TAS2R1: variants seen among roughly 807,000 people sequenced by gnomAD.
TAS2R1 encodes taste receptor type 2 member 1.
For missense variants in TAS2R1, 370 were observed against 353.4 expected (o/e 1.05, Z -0.38); for synonymous variants, 141 against 134.2 (o/e 1.05, Z -0.35).
chr5:9,898,727 C>A, the TAS2R1 span, among the ~76,000 whole-genome samples: 81 of 152,222 alleles, frequency 5.3e-4, no homozygotes, highest in African/African-American at 1.8e-3. Context: ...ACAGAGAGCC[C>A]TAGATGAAGG....
At chr5:9,669,872 AC>A (rs1250511274) in intron 1 of TAS2R1, among the ~76,000 whole-genome samples, 1 of 151,910 alleles carries the variant, frequency 6.6e-6, no homozygotes, top group African/African-American at 2.4e-5. Context: ...AGACTGAACC[AC>A]CCCCAAACCT....
At chr5:9,800,683 A>ATG in the TAS2R1 span, among the ~76,000 whole-genome samples, 1 of 152,208 alleles carries the variant, frequency 6.6e-6, no homozygotes, top group Non-Finnish European at 1.5e-5. Flanking sequence ...GGCCATGGTC[A>ATG]TGAGGGTCAT....
the TAS2R1 span, among the ~76,000 whole-genome samples, chr5:9,901,266 T>TTAG: frequency 6.6e-6 from 1 of 151,140 alleles, no homozygotes; most frequent in Non-Finnish European, 1.5e-5. Flanking sequence ...AAAAAGGAAT[T>TTAG]GCTAGAGATT....
At chr5:9,796,729 AAAAAAAAAAAG>A in the TAS2R1 span, among the ~76,000 whole-genome samples, 2 of 149,174 alleles carry the variant, frequency 1.3e-5, no homozygotes, top group Non-Finnish European at 1.5e-5. Flanking sequence ...TGGAAAAAAA[AAAAAAAAAAAG>A]AAAAGAAAAA....
chr5:9,716,016 G>A (rs1734803431), upstream of TAS2R1, among the ~76,000 whole-genome samples: 1 of 152,224 alleles, frequency 6.6e-6, no homozygotes, highest in Non-Finnish European at 1.5e-5. Flanking sequence ...CAATTACCAA[G>A]GCGTGGAAGG....
the TAS2R1 span, among the ~76,000 whole-genome samples, chr5:9,845,794 C>A: frequency 1.3e-5 from 2 of 152,158 alleles, no homozygotes; most frequent in African/African-American, 2.4e-5. Context: ...TAGAGTAATT[C>A]TTTTTAATTT....
chr5:9,627,715 G>A lies in TAS2R1; in HGVS notation c.*1418C>T, dbSNP rs554336138. Among the ~76,000 whole-genome samples the A allele has an allele frequency of 3.1e-4, 47 of 152,318 alleles. No individual in the cohort carries two copies. Among genetic ancestry groups the A allele is most frequent in the African/African-American group, 1.1e-3 (45 of 41,578 alleles). ...CCCACAGCTGGCTTCCTGAGTGCGTGATTAGCTACAAACCTTCCTACCTAG... is the reference window on the plus strand; with the variant it reads ...CCCACAGCTGGCTTCCTGAGTGCGTAATTAGCTACAAACCTTCCTACCTAG... On this transcript the variant is annotated 3_prime_UTR_variant, in exon 1 of 1. Transcript: ENST00000382492.
At chr5:9,763,997 A>T in the TAS2R1 span, among the ~76,000 whole-genome samples, 1 of 152,262 alleles carries the variant, frequency 6.6e-6, no homozygotes, top group East Asian at 1.9e-4. Flanking sequence ...AGGAGAAGAC[A>T]CAAAAGATTG....
chr5:9,894,323 G>C, the TAS2R1 span, among the ~76,000 whole-genome samples: 2 of 152,104 alleles, frequency 1.3e-5, no homozygotes, highest in African/African-American at 4.8e-5. Context: ...AGAATCGCTT[G>C]AACCTGGGAA....
the TAS2R1 span, among the ~76,000 whole-genome samples, chr5:9,763,375 C>T: frequency 8.6e-5 from 13 of 151,918 alleles, no homozygotes; most frequent in South Asian, 8.3e-4. Flanking sequence ...TAGTGGTGCG[C>T]GCCTGTAGTC....
At chr5:9,796,223 G>C in the TAS2R1 span, among the ~76,000 whole-genome samples, 41 of 152,328 alleles carry the variant, frequency 2.7e-4, 1 homozygote, top group East Asian at 6.2e-3. Flanking sequence ...CCACACAGTA[G>C]ACACAAAAAT....
the TAS2R1 span, among the ~76,000 whole-genome samples, chr5:9,768,113 A>G: frequency 6.6e-6 from 1 of 152,024 alleles, no homozygotes; most frequent in Non-Finnish European, 1.5e-5. Context: ...CCAGCACGCC[A>G]TCTGTCCATC....
At chr5:9,737,427 A>G in the TAS2R1 span, among the ~76,000 whole-genome samples, 3 of 152,210 alleles carry the variant, frequency 2.0e-5, no homozygotes, top group Admixed American at 6.5e-5. Context: ...TAACAATGTC[A>G]TAAAATCTTT....
At chr5:9,894,129 G>C in the TAS2R1 span, among the ~76,000 whole-genome samples, 4 of 152,142 alleles carry the variant, frequency 2.6e-5, no homozygotes, top group African/African-American at 9.7e-5. Context: ...TTGGCCAGAC[G>C]TGGTGGCTCA....
In TAS2R1 at chr5:9,629,564, T is replaced by A. The variant is rs1183193912; in HGVS notation, c.469A>T (p.Arg157Trp). 4 of 1,614,074 alleles carry A rather than the reference T, an allele frequency of 2.5e-6. No individual in the cohort carries two copies. The highest frequency in any genetic ancestry group is 2.2e-5 in the South Asian group (2 of 91,080). ...GTGGCATTTTGGGAGAAAAATTTCC[T>A]TAGGAAGTATGGGACCATAAACCCT... ...YAGFMVPYFL[R>W]KFFSQNATIQ... Residue 157 changes from arginine (R) to tryptophan (W), a missense_variant, in exon 1 of 1, where the codon AGG (arginine) becomes TGG (tryptophan). Coordinates refer to ENST00000382492, the MANE Select transcript of TAS2R1 (RefSeq NM_019599.3).
intron 1 of TAS2R1, among the ~76,000 whole-genome samples, chr5:9,708,598 CT>C (rs57057857): frequency 0.025 from 3,698 of 147,784 alleles, 76 homozygotes; most frequent in East Asian, 0.063. Context: ...CAAATGGTCT[CT>C]TTTTTTTTTT....
chr5:9,855,485 G>A, the TAS2R1 span, among the ~76,000 whole-genome samples: 3 of 152,366 alleles, frequency 2.0e-5, no homozygotes, highest in Admixed American at 6.5e-5. Context: ...GTCAGGCAGA[G>A]AGAGACAGAG....
the TAS2R1 span, among the ~76,000 whole-genome samples, chr5:9,833,284 C>T: frequency 1.3e-5 from 2 of 152,184 alleles, no homozygotes; most frequent in South Asian, 4.1e-4. Flanking sequence ...ATCTTTGTAG[C>T]TATCTTATTT....
At chr5:9,816,129 C>T in the TAS2R1 span, among the ~76,000 whole-genome samples, 1 of 152,102 alleles carries the variant, frequency 6.6e-6, no homozygotes, top group African/African-American at 2.4e-5. Context: ...AAAATAAAAT[C>T]ATGAGTTTCC....
Sources: gnomAD v4.1 joint callset for allele counts (sites outside exome capture counted in the v4.1 genomes callset) on GRCh38, gnomAD v4.1.1 for gene constraint, MANE v1.5 for transcripts, NCBI Gene and HGNC (gene_info 2026-07-23, HGNC 2026-07-21) for gene names.